The following SOX6 variants were observed in gnomAD, a reference collection of about 807,000 sequenced individuals.
SOX6 encodes SRY-box transcription factor 6, also known as transcription factor SOX-6.
In SOX6, 11 loss-of-function variants were observed where a neutral mutation model predicts 97.8. The observed-to-expected ratio is 0.11, with a 90% CI of 0.07 to 0.19. The LOEUF is 0.19. SOX6 is among the 10% of genes least tolerant of loss of function. The pLI, the probability that SOX6 is intolerant of heterozygous loss-of-function variation, is 1.00. For missense variants in SOX6, 810 were observed against 1,039.5 expected, an observed-to-expected ratio of 0.78 and a Z score of 3.04; for synonymous variants, 360 against 371.4, an observed-to-expected ratio of 0.97 and a Z score of 0.35.
chr11:15,990,055 G>C (rs1247674348), intron 13 of SOX6, among the ~76,000 whole-genome samples: 2 of 151,916 alleles, frequency 1.3e-5, no homozygotes, highest in South Asian at 2.1e-4. Flanking sequence ...GGTAATTCAG[G>C]GTAAAGGAAC....
At chr11:16,419,518 A>G (rs1858987630) in intron 1 of SOX6, among the ~76,000 whole-genome samples, 1 of 145,706 alleles carries the variant, frequency 6.9e-6, no homozygotes, top group East Asian at 2.1e-4. Context: ...TGAAAACCAT[A>G]GTGAGAAATT....
At chr11:16,583,636 T>TAC (rs199514393) in intron 4 of SOX6, among the ~76,000 whole-genome samples, 8 of 87,104 alleles carry the variant, frequency 9.2e-5, no homozygotes, top group African/African-American at 2.0e-4. Context: ...TATATATATA[T>TAC]ACACATACAC....
intron 4 of SOX6, among the ~76,000 whole-genome samples, chr11:16,503,775 T>C (rs764998211): frequency 5.9e-5 from 9 of 152,182 alleles, no homozygotes; most frequent in Non-Finnish European, 1.2e-4. Flanking sequence ...TTGGGCACGG[T>C]GGCTCACCCC....
At chr11:16,049,646 A>G (rs1457354507) in intron 11 of SOX6, 109 bp downstream of exon 11, 2 of 1,278,634 alleles carry the variant, frequency 1.6e-6, no homozygotes, top group Non-Finnish European at 2.2e-6. Flanking sequence ...TAAGAGTATT[A>G]TCTTTTACTA....
At chr11:15,977,629 T>G (rs994699290) in intron 15 of SOX6, among the ~76,000 whole-genome samples, 3 of 152,020 alleles carry the variant, frequency 2.0e-5, no homozygotes, top group African/African-American at 7.2e-5. Flanking sequence ...TTTAGTTCAA[T>G]TTAACTCTCT....
At chr11:16,639,389 G>A (rs1014944165) in intron 3 of SOX6, among the ~76,000 whole-genome samples, 14 of 152,186 alleles carry the variant, frequency 9.2e-5, no homozygotes, top group African/African-American at 3.4e-4. Context: ...GATTGACTTG[G>A]CAATGCGGGA....
intron 1 of SOX6, among the ~76,000 whole-genome samples, chr11:16,344,280 A>C (rs1414722228): frequency 6.6e-6 from 1 of 151,586 alleles, no homozygotes; most frequent in Non-Finnish European, 1.5e-5. Flanking sequence ...GGCAGTTTTG[A>C]GTTTTGTTAT....
At chr11:16,544,946 A>G (rs1847599777) in intron 4 of SOX6, among the ~76,000 whole-genome samples, 1 of 152,138 alleles carries the variant, frequency 6.6e-6, no homozygotes, top group African/African-American at 2.4e-5. Context: ...AGAGAGGGCC[A>G]GGCACCACGG....
intron 9 of SOX6, among the ~76,000 whole-genome samples, chr11:16,060,640 G>T (rs1387463447): frequency 6.6e-6 from 1 of 151,894 alleles, no homozygotes; most frequent in Non-Finnish European, 1.5e-5. Flanking sequence ...GTCATTAAAT[G>T]AATAGGTATA....
rs76242976 is a variant in SOX6 at position 16,258,472 on chromosome 11, C to A, written c.446-23801G>T. On this transcript the variant is annotated intron_variant, in intron 3 of 15. Transcript: ENST00000683767. ...CAATCTCATAAAGCTATTATGCATA[C>A]TGTAATATCCAAACTATCTGGCATT... Among the ~76,000 whole-genome samples, 12 of 152,050 alleles carry A rather than the reference C, an allele frequency of 7.9e-5. No homozygotes were observed. The East Asian group carries it at 2.3e-3, about 29-fold the overall frequency.
At chr11:16,481,240 G>T (rs913376098), upstream of SOX6, among the ~76,000 whole-genome samples, 4 of 151,962 alleles carry the variant, frequency 2.6e-5, no homozygotes, top group Non-Finnish European at 4.4e-5. Flanking sequence ...AAATTATGCA[G>T]AATTTGAATT....
At chr11:16,448,492 A>G (rs555641045) in intron 1 of SOX6, among the ~76,000 whole-genome samples, 1 of 152,276 alleles carries the variant, frequency 6.6e-6, no homozygotes, top group East Asian at 1.9e-4. Context: ...ATTTCAAGTG[A>G]AAGAAGTGAA....
At chr11:16,500,666 C>A (rs1438509973) in intron 4 of SOX6, among the ~76,000 whole-genome samples, 1 of 152,108 alleles carries the variant, frequency 6.6e-6, no homozygotes, top group African/African-American at 2.4e-5. Flanking sequence ...ATACCAATAA[C>A]AAACAAACAG....
chr11:16,310,346 G>A (rs1025027910), intron 3 of SOX6, among the ~76,000 whole-genome samples: 27 of 151,852 alleles, frequency 1.8e-4, no homozygotes, highest in African/African-American at 4.8e-4. Flanking sequence ...TACTTAACAC[G>A]AAAATAGACT....
At position 16,343,476 on chromosome 11, in the gene SOX6, A is replaced by G. The variant is rs567072427; in HGVS notation, c.-4-2224T>C. Among the ~76,000 whole-genome samples the G allele has an allele frequency of 1.1e-4, 16 of 152,026 alleles. No homozygotes were observed. The East Asian group carries it at 2.7e-3, about 26-fold the overall frequency. The stretch of plus-strand genomic sequence containing the variant: ...CTCAAAATGAAAACAGTCTCTTAAG[A>G]ATAATTTCAACTATAAACTGCACCA... On this transcript the variant is annotated intron_variant, in intron 1 of 15. Transcript: ENST00000683767.
chr11:16,673,287 G>A (rs1465795953), intron 3 of SOX6, among the ~76,000 whole-genome samples: 1 of 151,508 alleles, frequency 6.6e-6, no homozygotes, highest in African/African-American at 2.4e-5. Flanking sequence ...TTGAAATGAA[G>A]AAAAGAATAC....
At chr11:16,049,685 G>A (rs753595697) in intron 11 of SOX6, 70 bp downstream of exon 11, 26 of 1,570,206 alleles carry the variant, frequency 1.7e-5, no homozygotes, top group South Asian at 6.7e-5. Flanking sequence ...AGTATCAGTC[G>A]TAACTAAACA....
In SOX6 at chr11:16,733,332, AC is replaced by A. The variant is rs1230110258; in HGVS notation, n.353+3006del. The stretch of plus-strand genomic sequence containing the variant: ...GCAAAGACTTGGAACCAACCCAAAT[AC>A]CCATCAATGATAGACTGGATAAAGA... On this transcript the variant is annotated intron_variant and non_coding_transcript_variant, in intron 2 of 5. Coordinates refer to the SOX6 transcript ENST00000524520. Among the ~76,000 whole-genome samples the A allele has an allele frequency of 3.3e-5, 5 of 152,230 alleles. No homozygotes were observed. The East Asian group carries it at 9.7e-4, about 29-fold the overall frequency.
chr11:16,609,383 T>G (rs1320444108), intron 4 of SOX6, among the ~76,000 whole-genome samples: 1 of 152,112 alleles, frequency 6.6e-6, no homozygotes, highest in Non-Finnish European at 1.5e-5. Context: ...GAAGGAGAGA[T>G]CCTTACTGTA....
Sources: gnomAD v4.1 joint callset for allele counts (sites outside exome capture counted in the v4.1 genomes callset) on GRCh38, gnomAD v4.1.1 for gene constraint, MANE v1.5 for transcripts, NCBI Gene and HGNC (gene_info 2026-07-23, HGNC 2026-07-21) for gene names.